The following STIL variants were observed in gnomAD, a reference collection of about 807,000 sequenced individuals.
STIL encodes the protein STIL centriolar assembly protein, also known as SCL-interrupting locus protein.
Under a neutral mutation model 110.1 loss-of-function variants are expected in STIL, and 55 were observed. The ratio of observed to expected loss-of-function variants is 0.50; its 90% CI spans 0.40 to 0.63. STIL has a LOEUF of 0.63. STIL is among the 20% of genes least tolerant of loss of function. The pLI is 0.00. For synonymous variants in STIL, 481 were observed against 530.0 expected (o/e 0.91, Z 1.27); for missense variants, 1,358 against 1,530.0 (o/e 0.89, Z 1.87).
At chr1:47,282,494 G>T (rs775290806) in intron 10 of STIL, 35 bp from the exon 11 acceptor site, 2 of 1,281,594 alleles carry the variant, frequency 1.6e-6, no homozygotes, top group Non-Finnish European at 2.3e-6. Context: ...AAAAGCCTTT[G>T]GTAATCCAGT....
intron 6 of STIL, among the ~76,000 whole-genome samples, chr1:47,299,452 G>C (rs1447716668): frequency 6.6e-6 from 1 of 150,400 alleles, no homozygotes; most frequent in Non-Finnish European, 1.5e-5. Context: ...GAGTGCTGTG[G>C]TGCGATCTCA....
At position 47,262,481 on chromosome 1, in the gene STIL, T is replaced by G. The variant is rs538935922; in HGVS notation, c.2829+422A>C. On this transcript the variant is annotated intron_variant, in intron 15 of 16. Coordinates refer to ENST00000371877, the MANE Select transcript of STIL (RefSeq NM_001048166.1). Reference sequence around the variant, plus strand: ...GGGCACAGAGTGTCATATTCACCTTTATATTATCGATTTCACTTAGCCTAC... The same window carrying G: ...GGGCACAGAGTGTCATATTCACCTTGATATTATCGATTTCACTTAGCCTAC... Among the ~76,000 whole-genome samples the G allele has an allele frequency of 1.5e-4, 23 of 152,318 alleles. No homozygotes were observed. In the East Asian group the frequency reaches 4.2e-3, roughly 28 times the overall value.
intron 14 of STIL, among the ~76,000 whole-genome samples, chr1:47,268,475 C>G (rs181945236): frequency 6.6e-6 from 1 of 152,050 alleles, no homozygotes; most frequent in Non-Finnish European, 1.5e-5. Flanking sequence ...ATAAAATAGG[C>G]TGGGCACAGT....
intron 12 of STIL, among the ~76,000 whole-genome samples, chr1:47,279,805 CAAG>C (rs1645106471): frequency 6.8e-6 from 1 of 147,378 alleles, no homozygotes; most frequent in African/African-American, 2.5e-5. Flanking sequence ...TTTCAGAAAA[CAAG>C]AAGTAGAATA....
At chr1:47,308,032 C>T (rs905450377) in intron 2 of STIL, among the ~76,000 whole-genome samples, 45 of 152,318 alleles carry the variant, frequency 3.0e-4, no homozygotes, top group African/African-American at 1.0e-3. Flanking sequence ...TTATCAATGA[C>T]AGTGGTGCCC....
At chr1:47,276,955 AAAATAAAT>A (rs993047805) in intron 12 of STIL, among the ~76,000 whole-genome samples, 1 of 152,110 alleles carries the variant, frequency 6.6e-6, no homozygotes, top group Non-Finnish European at 1.5e-5. Context: ...CTCATCTAGA[AAAATAAAT>A]AAATAAATAG....
At chr1:47,293,729 T>A (rs970226248) in intron 7 of STIL, among the ~76,000 whole-genome samples, 185 bp from the exon 8 acceptor site, 1 of 152,100 alleles carries the variant, frequency 6.6e-6, no homozygotes, top group Non-Finnish European at 1.5e-5. Flanking sequence ...TTTGTATATA[T>A]ATAACTATAT....
In STIL at chr1:47,310,260, A is replaced by G. The variant is rs749632048; in HGVS notation, c.44+16T>C. The G allele has an allele frequency of 1.9e-6, 3 of 1,609,872 alleles. No individual in the cohort carries two copies. Among genetic ancestry groups the G allele is most frequent in the Admixed American group, 3.3e-5 (2 of 59,992 alleles). On this transcript the variant is annotated intron_variant, in intron 2 of 16. Transcript: ENST00000371877. ...GAAAAGCTGTAAGACAAATATTTGT[A>G]AATATACTTCTATACCTGGTATTCA... is the stretch of plus-strand genomic sequence containing the variant.
At chr1:47,289,665 A>G (rs1227166293) in intron 8 of STIL, 80 bp from the exon 9 acceptor site, 3 of 1,359,706 alleles carry the variant, frequency 2.2e-6, no homozygotes, top group Admixed American at 1.7e-5. Flanking sequence ...GAGTCTCCCA[A>G]TCTAGTTAAC....
At chr1:47,259,324 C>T (rs1644417837) in intron 16 of STIL, among the ~76,000 whole-genome samples, 1 of 82,494 alleles carries the variant, frequency 1.2e-5, no homozygotes, top group Non-Finnish European at 2.2e-5. Flanking sequence ...CTTGCTCTGT[C>T]GTCCAGGCTA....
rs186637477 is a variant in STIL at position 47,252,012 on chromosome 1, G to A, written c.3081-90C>T. ...GTTCCATTCTATACAAGCAACAAAA[G>A]ATCTTCAGCTTTAAGTTCATGGTCC... On this transcript the variant is annotated intron_variant, in intron 16 of 16. Transcript: ENST00000371877. 230 of 1,343,032 alleles carry A rather than the reference G, an allele frequency of 1.7e-4. No homozygotes were observed. In the Middle Eastern group the frequency reaches 1.9e-3, roughly 11 times the overall value. The allele number at this position is 1,343,032 out of a possible 1,614,324, so 83.2% of individuals were successfully genotyped here. A position where few individuals can be genotyped will look rare whatever the true frequency, so the allele number is the denominator to read the frequency against.
chr1:47,289,087 C>A (rs372047045), intron 9 of STIL, among the ~76,000 whole-genome samples: 196 of 94,252 alleles, frequency 2.1e-3, no homozygotes, highest in Non-Finnish European at 3.4e-3. Flanking sequence ...AAAAAAAAAA[C>A]ATCAGGACAA....
intron 12 of STIL, among the ~76,000 whole-genome samples, chr1:47,272,868 G>C (rs1039678190): frequency 6.6e-6 from 1 of 152,070 alleles, no homozygotes; most frequent in Non-Finnish European, 1.5e-5. Context: ...CTGACTCTCT[G>C]ACTCCATATA....
rs1645145640 is a variant in STIL at position 47,281,071 on chromosome 1, T to G, written c.1387A>C (p.Lys463Gln). The change falls in exon 12 of 17, where the codon AAG (lysine) becomes CAG (glutamine). Residue 463 changes from lysine to glutamine, a missense_variant. Coordinates refer to ENST00000371877, the MANE Select transcript of STIL (RefSeq NM_001048166.1). ...PPLINHLEHL[K>Q]PLQPQLYDEK... ...TCATAAAGCTGGGGTTGCAATGGCT[T>G]CAAGTGTTCCAAGTGGTTAATCAAA... The G allele has an allele frequency of 1.2e-6, 2 of 1,614,156 alleles. No homozygotes were observed. Among genetic ancestry groups the G allele is most frequent in the African/African-American group, 2.7e-5 (2 of 75,030 alleles).
chr1:47,295,995 T>A, intron 6 of STIL, 147 bp from the exon 7 acceptor site: 1 of 635,720 alleles, frequency 1.6e-6, no homozygotes, highest in Non-Finnish European at 2.8e-6. Flanking sequence ...AGAAACTTTT[T>A]ACTGACTCAG....
Position 47,280,787 on chromosome 1 carries a change from T to C in STIL, c.1671A>G (p.Thr557=). 6.2e-7 allele frequency: 1 copy of C among 1,614,056 alleles called. No individual in the cohort carries two copies. The highest frequency in any genetic ancestry group is 8.5e-7 in the Non-Finnish European group (1 of 1,179,980). ...QNEEYPIRPS[T]LNSRQSSLAP... is the part of the protein sequence containing the mutation. The stretch of plus-strand genomic sequence containing the variant: ...CAAGAGAAGACTGCCTAGAATTAAG[T>C]GTGGAGGGTCTTATAGGATACTCTT... The change falls in exon 12 of 17, where the codon ACA becomes ACG. Residue 557 remains threonine, a synonymous_variant. Transcript: ENST00000371877.
intron 9 of STIL, among the ~76,000 whole-genome samples, chr1:47,287,945 A>G (rs950073389): frequency 6.6e-6 from 1 of 151,308 alleles, no homozygotes; most frequent in South Asian, 2.1e-4. Flanking sequence ...TCTCAGTTAA[A>G]ATGATAGGTA....
At chr1:47,286,150 C>G (rs540263592) in intron 10 of STIL, among the ~76,000 whole-genome samples, 3 of 152,178 alleles carry the variant, frequency 2.0e-5, no homozygotes, top group Admixed American at 1.3e-4. Context: ...GCTAGGATTA[C>G]AGGCGTGAGC....
chr1:47,270,854 T>C (rs762752349), intron 13 of STIL, among the ~76,000 whole-genome samples: 3 of 151,474 alleles, frequency 2.0e-5, no homozygotes, highest in Non-Finnish European at 4.4e-5. Context: ...AATTTTTGTA[T>C]TTTTTTTAAA....
Sources: gnomAD v4.1 joint callset for allele counts (sites outside exome capture counted in the v4.1 genomes callset) on GRCh38, gnomAD v4.1.1 for gene constraint, MANE v1.5 for transcripts, NCBI Gene and HGNC (gene_info 2026-07-23, HGNC 2026-07-21) for gene names.